The following IMMP2L variants were observed in gnomAD, a reference collection of about 807,000 sequenced individuals.
IMMP2L encodes mitochondrial inner membrane protease subunit 2.
A neutral mutation model predicts 19.3 loss-of-function variants in IMMP2L; 18 were observed. The ratio of observed to expected loss-of-function variants is 0.93; its 90% CI spans 0.64 to 1.38. IMMP2L has a LOEUF of 1.38. Ranked by LOEUF, IMMP2L falls within the 40% of genes most tolerant of loss-of-function variation. IMMP2L has a pLI of 0.00. For synonymous variants in IMMP2L, 76 were observed against 73.0 expected (o/e 1.04, Z -0.21); for missense variants, 233 against 218.2 (o/e 1.07, Z -0.43).
intron 3 of IMMP2L, among the ~76,000 whole-genome samples, chr7:111,150,786 A>T (rs2129602596): frequency 6.6e-6 from 1 of 152,334 alleles, no homozygotes; most frequent in East Asian, 1.9e-4. Flanking sequence ...CAGAGAAATA[A>T]GCATGCCCTA....
intron 3 of IMMP2L, among the ~76,000 whole-genome samples, chr7:110,971,996 AG>A (rs1563123504): frequency 6.6e-6 from 1 of 152,132 alleles, no homozygotes; most frequent in Non-Finnish European, 1.5e-5. Flanking sequence ...TGTGGAGGTT[AG>A]AACATAAGTA....
chr7:111,527,428 G>T (rs569579086), intron 1 of IMMP2L, among the ~76,000 whole-genome samples: 2 of 146,142 alleles, frequency 1.4e-5, no homozygotes, highest in East Asian at 2.2e-4. Context: ...AAAAAGGGGG[G>T]GGGGGTAGAT....
At chr7:110,770,336 T>C (rs906413197) in intron 5 of IMMP2L, among the ~76,000 whole-genome samples, 5 of 152,156 alleles carry the variant, frequency 3.3e-5, no homozygotes, top group Non-Finnish European at 7.3e-5. Flanking sequence ...CCCAATATAA[T>C]GGCACTCATT....
intron 3 of IMMP2L, among the ~76,000 whole-genome samples, chr7:111,013,632 T>A (rs1029727297): frequency 6.6e-6 from 1 of 152,124 alleles, no homozygotes; most frequent in Non-Finnish European, 1.5e-5. Context: ...CACTCCAAAC[T>A]AACTCCTCCC....
chr7:111,119,230 G>C (rs1360391978), intron 3 of IMMP2L, among the ~76,000 whole-genome samples: 2 of 152,134 alleles, frequency 1.3e-5, no homozygotes, highest in African/African-American at 4.8e-5. Context: ...TTTGTACCTA[G>C]GTTTTTCCTT....
intron 2 of IMMP2L, among the ~76,000 whole-genome samples, chr7:111,500,542 T>C (rs1232930607): frequency 6.6e-6 from 1 of 152,144 alleles, no homozygotes; most frequent in Admixed American, 6.5e-5. Context: ...GCAGCCTAAA[T>C]GGGAGGCATC....
At chr7:111,508,042 A>G (rs560754579) in intron 2 of IMMP2L, among the ~76,000 whole-genome samples, 1 of 152,244 alleles carries the variant, frequency 6.6e-6, no homozygotes, top group South Asian at 2.1e-4. Flanking sequence ...CTGATTCACT[A>G]TGGAATCATT....
chr7:110,767,590 T>C (rs945557022), intron 5 of IMMP2L, among the ~76,000 whole-genome samples: 1 of 152,206 alleles, frequency 6.6e-6, no homozygotes, highest in African/African-American at 2.4e-5. Context: ...AGATATAATC[T>C]TGATTCTTCA....
At chr7:110,888,983 T>C (rs544307216) in intron 4 of IMMP2L, among the ~76,000 whole-genome samples, 2 of 152,310 alleles carry the variant, frequency 1.3e-5, no homozygotes, top group African/African-American at 4.8e-5. Context: ...GGCAGAATAA[T>C]AGAGTGGGAA....
At chr7:111,035,824 G>T (rs1322541990) in intron 3 of IMMP2L, among the ~76,000 whole-genome samples, 3 of 152,164 alleles carry the variant, frequency 2.0e-5, no homozygotes, top group East Asian at 3.9e-4. Flanking sequence ...TTTCCTAAAT[G>T]GAATCATCTG....
intron 3 of IMMP2L, among the ~76,000 whole-genome samples, chr7:111,303,937 A>G (rs2130072617): frequency 6.6e-6 from 1 of 152,236 alleles, no homozygotes; most frequent in South Asian, 2.1e-4. Flanking sequence ...ACAGAATAAA[A>G]TACCCTATTG....
chr7:111,111,783 T>G (rs1423862346), intron 3 of IMMP2L, among the ~76,000 whole-genome samples: 2 of 151,798 alleles, frequency 1.3e-5, no homozygotes, highest in Non-Finnish European at 2.9e-5. Context: ...ATTGTGAGGC[T>G]TCTATAAAGT....
chr7:111,474,088 G>T (rs1841508772), intron 3 of IMMP2L, among the ~76,000 whole-genome samples: 2 of 152,194 alleles, frequency 1.3e-5, no homozygotes, highest in Non-Finnish European at 2.9e-5. Context: ...ACCAAATATT[G>T]CAAGTACTCA....
At chr7:111,370,932 C>T (rs527321981) in intron 3 of IMMP2L, among the ~76,000 whole-genome samples, 3 of 151,950 alleles carry the variant, frequency 2.0e-5, no homozygotes, top group East Asian at 3.9e-4. Context: ...TGTTTTTCAG[C>T]CTCATTTTAG....
chr7:111,156,240 G>A lies in IMMP2L; in HGVS notation c.240-192675C>T, dbSNP rs559965980. 1.2e-4 allele frequency among the ~76,000 whole-genome samples: 18 copies of A among 152,118 alleles called. No individual in the cohort carries two copies. The East Asian group carries it at 3.1e-3, about 26-fold the overall frequency. ...TAGGATTAGAATAGGTGGGTCATAG[G>A]AGATGCTTAAGTTCAGCTTTAGACT... On this transcript the variant is annotated intron_variant, in intron 3 of 5. Transcript: ENST00000405709.
intron 3 of IMMP2L, among the ~76,000 whole-genome samples, chr7:111,130,104 C>T (rs942997977): frequency 2.0e-5 from 3 of 152,068 alleles, no homozygotes; most frequent in African/African-American, 7.2e-5. Context: ...TTTGAATTTA[C>T]CTATTCTAGT....
At chr7:111,191,431 T>TAC (rs57414194) in intron 3 of IMMP2L, among the ~76,000 whole-genome samples, 3,153 of 146,722 alleles carry the variant, frequency 0.021, 77 homozygotes, top group African/African-American at 0.063. Flanking sequence ...GCTGCTCAAA[T>TAC]ACACACACAC....
At chr7:110,935,911 TG>T (rs1816052973) in intron 4 of IMMP2L, among the ~76,000 whole-genome samples, 1 of 152,128 alleles carries the variant, frequency 6.6e-6, no homozygotes, top group African/African-American at 2.4e-5. Flanking sequence ...TACAACCATC[TG>T]ATCTTTGACA....
At chr7:111,091,616 A>G (rs1796873776) in intron 3 of IMMP2L, 1 of 152,172 alleles carries the variant, frequency 6.6e-6, no homozygotes, top group South Asian at 2.1e-4. Flanking sequence ...TCTGAATTCT[A>G]AGAGCATTTT....
Sources: gnomAD v4.1 joint callset for allele counts (sites outside exome capture counted in the v4.1 genomes callset) on GRCh38, gnomAD v4.1.1 for gene constraint, MANE v1.5 for transcripts, NCBI Gene and HGNC (gene_info 2026-07-23, HGNC 2026-07-21) for gene names.